Variants in FAM169A observed in about 807,000 individuals in gnomAD.
FAM169A encodes the protein family with sequence similarity 169 member A.
A neutral mutation model predicts 75.7 loss-of-function variants in FAM169A; 24 were observed. The observed-to-expected ratio is 0.32, with a 90% confidence interval of 0.23 to 0.45. The LOEUF is 0.45. Ranked by LOEUF, FAM169A falls within the 20% of genes least tolerant of loss-of-function variation. The probability of loss-of-function intolerance (pLI) is 1.00; values close to 1 mark genes in which losing one functional copy is unlikely to be tolerated. For synonymous variants in FAM169A, 271 were observed against 271.0 expected (o/e 1.00, Z 0.00); for missense variants, 673 against 784.0 (o/e 0.86, Z 1.69).
intron 5 of FAM169A, among the ~76,000 whole-genome samples, chr5:74,818,825 G>A (rs1035931445): frequency 7.6e-5 from 10 of 131,756 alleles, no homozygotes; most frequent in Non-Finnish European, 1.6e-4. Flanking sequence ...ATATATATAT[G>A]TCAAAGCACA....
rs1034885222 is a variant in FAM169A at position 74,806,571 on chromosome 5, A to G, written c.671-1287T>C. ...AAAACCTAGTATATCAGGACTGTGC[A>G]ACAGAACTTTCTGTGATGATAGACA... On this transcript the variant is annotated intron_variant, in intron 6 of 12. Transcript: ENST00000687041. Among the ~76,000 whole-genome samples the G allele has an allele frequency of 7.6e-4, 115 of 152,224 alleles. 1 individual carries two copies. Among genetic ancestry groups the G allele is most frequent in the Admixed American group, 7.5e-3 (114 of 15,282 alleles).
intron 5 of FAM169A, among the ~76,000 whole-genome samples, chr5:74,832,403 C>CA (rs1580139508): frequency 6.6e-6 from 1 of 151,930 alleles, no homozygotes; most frequent in East Asian, 1.9e-4. Context: ...ACCTCATAAA[C>CA]AAAGTCTCCT....
At position 74,813,605 on chromosome 5, in the gene FAM169A, T is replaced by A. The variant is rs566565524; in HGVS notation, c.670+235A>T. 1.9e-4 allele frequency among the ~76,000 whole-genome samples: 29 copies of A among 152,202 alleles called. 1 individual carries two copies. The South Asian group carries it at 5.2e-3, about 27-fold the overall frequency. On this transcript the variant is annotated intron_variant, in intron 6 of 12. Transcript: ENST00000687041. ...CCTCCCAAAGTGCTGGGATCACAAG[T>A]GTGAGCCACTGTGCCCGGCAATTGT...
intron 1 of FAM169A, among the ~76,000 whole-genome samples, chr5:74,858,920 A>C (rs17671140): frequency 0.085 from 12,975 of 152,172 alleles, 684 homozygotes; most frequent in Admixed American, 0.17. Context: ...TCCATTTTTA[A>C]AAACAAAACA....
chr5:74,861,757 G>A (rs1750047205), intron 1 of FAM169A, among the ~76,000 whole-genome samples: 1 of 152,100 alleles, frequency 6.6e-6, no homozygotes, highest in African/African-American at 2.4e-5. Context: ...CCAGTTGTAT[G>A]CTAAAACTTA....
intron 6 of FAM169A, among the ~76,000 whole-genome samples, chr5:74,805,519 C>T (rs1746821750): frequency 8.0e-6 from 1 of 124,628 alleles, no homozygotes. Flanking sequence ...TAAAAATGTG[C>T]TTCGCTTTTT....
intron 1 of FAM169A, among the ~76,000 whole-genome samples, chr5:74,857,929 C>CA (rs1749810254): frequency 6.6e-6 from 1 of 152,018 alleles, no homozygotes; most frequent in South Asian, 2.1e-4. Context: ...TACTCGGATA[C>CA]AAAAAAATTA....
intron 10 of FAM169A, chr5:74,799,575 G>A (rs1746453750): frequency 4.0e-6 from 6 of 1,490,404 alleles, no homozygotes; most frequent in Non-Finnish European, 5.6e-6. Context: ...TTGGGCAGCT[G>A]ATGTCAGAGT....
At chr5:74,799,676 T>C (rs1746460302) in intron 10 of FAM169A, 4 of 1,271,198 alleles carry the variant, frequency 3.1e-6, no homozygotes, top group Admixed American at 1.7e-5. Flanking sequence ...GACAGCACCA[T>C]GTCTGCTGCT....
chr5:74,789,025 C>CA, intron 11 of FAM169A, among the ~76,000 whole-genome samples: 1 of 152,328 alleles, frequency 6.6e-6, no homozygotes, highest in Non-Finnish European at 1.5e-5. Context: ...CATTCCTGTC[C>CA]ATAAGGCCCA....
At chr5:74,805,341 C>T in intron 6 of FAM169A, 57 bp from the exon 7 acceptor site, 1 of 1,571,728 alleles carries the variant, frequency 6.4e-7, no homozygotes, top group Non-Finnish European at 8.7e-7. Flanking sequence ...TTTTGAAAAA[C>T]AGGAGTTGAA....
chr5:74,796,165 T>G lies in FAM169A; in HGVS notation c.1125A>C (p.Pro375=). The change falls in exon 11 of 13, where the codon CCA becomes CCC. Residue 375 remains proline, a synonymous_variant. Coordinates refer to ENST00000687041, the MANE Select transcript of FAM169A (RefSeq NM_001376049.1). ...CCAGGAATTCTTCTGAGCTCTCTGATGGGCGTGCAGTAGACTCCAATCTAA... is the reference window on the plus strand; with the variant it reads ...CCAGGAATTCTTCTGAGCTCTCTGAGGGGCGTGCAGTAGACTCCAATCTAA... ...SINKLESTAR[P]SESSEEFLEE... is the part of the protein sequence containing the mutation. 6.2e-7 allele frequency: 1 copy of G among 1,613,862 alleles called. No individual in the cohort carries two copies. Among genetic ancestry groups the G allele is most frequent in the Non-Finnish European group, 8.5e-7 (1 of 1,179,944 alleles).
At chr5:74,864,988 T>C (rs191339686) in intron 1 of FAM169A, among the ~76,000 whole-genome samples, 113 of 152,324 alleles carry the variant, frequency 7.4e-4, no homozygotes, top group Admixed American at 1.5e-3. Context: ...CTGTACATCC[T>C]GTGTAAAAAA....
At chr5:74,842,112 C>CAA (rs1216791773) in intron 1 of FAM169A, among the ~76,000 whole-genome samples, 1 of 138,882 alleles carries the variant, frequency 7.2e-6, no homozygotes, top group African/African-American at 2.6e-5. Context: ...CTATAAATTT[C>CAA]AAAAAAAAAA....
At chr5:74,782,878 A>T in intron 12 of FAM169A, 53 bp downstream of exon 12, 1 of 1,384,622 alleles carries the variant, frequency 7.2e-7, no homozygotes, top group South Asian at 1.2e-5. Context: ...CCTCCTCGCT[A>T]ATGTCACCAA....
intron 5 of FAM169A, among the ~76,000 whole-genome samples, chr5:74,824,503 T>C (rs547834963): frequency 1.3e-5 from 2 of 152,262 alleles, no homozygotes; most frequent in South Asian, 4.2e-4. Flanking sequence ...ATAGTCCTTA[T>C]CATTCCAGGC....
rs1001505663 is a variant in FAM169A at position 74,779,481 on chromosome 5, A to G, written c.*1979T>C. 6 of 152,180 alleles carry G rather than the reference A, an allele frequency of 3.9e-5. No individual in the cohort carries two copies. Among genetic ancestry groups the G allele is most frequent in the African/African-American group, 1.4e-4 (6 of 41,448 alleles). 9.4% of individuals were successfully genotyped at this position (152,180 alleles called of 1,614,324 possible). A position where few individuals can be genotyped will look rare whatever the true frequency, so the allele number is the denominator to read the frequency against. On this transcript the variant is annotated 3_prime_UTR_variant, in exon 13 of 13. Coordinates refer to ENST00000687041, the MANE Select transcript of FAM169A (RefSeq NM_001376049.1). ...AATAAAATATCTACAAGTGTTTTCAAATCTAAGAAATGAAACATGTAAAGA... is the reference window on the plus strand; with the variant it reads ...AATAAAATATCTACAAGTGTTTTCAGATCTAAGAAATGAAACATGTAAAGA...
intron 6 of FAM169A, among the ~76,000 whole-genome samples, chr5:74,805,522 CG>C (rs1561298448): frequency 1.7e-5 from 2 of 119,482 alleles, no homozygotes; most frequent in African/African-American, 7.2e-5. Flanking sequence ...AAATGTGCTT[CG>C]CTTTTTTTTT....
chr5:74,838,967 G>T lies in FAM169A; in HGVS notation c.316C>A (p.Gln106Lys). The T allele has an allele frequency of 1.2e-6, 2 of 1,608,256 alleles. No homozygotes were observed. The highest frequency in any genetic ancestry group is 1.7e-6 in the Non-Finnish European group (2 of 1,174,688). The change falls in exon 4 of 13, where the codon CAG becomes AAG. Residue 106 changes from glutamine (Q) to lysine (K), a missense_variant and splice_region_variant. Gln to Lys is a moderately conservative substitution (Grantham distance 53, BLOSUM62 1). Transcript: ENST00000687041. ...TCAAAATTAGAGGATCTTGTTACCT[G>T]CTTAAGCCCCTCTCTTGAAGGAACA... ...TSVPSREGLKQVSTLGERVVL... is the reference protein window; with the variant it reads ...TSVPSREGLKKVSTLGERVVL...
Sources: gnomAD v4.1 joint callset for allele counts (sites outside exome capture counted in the v4.1 genomes callset) on GRCh38, gnomAD v4.1.1 for gene constraint, MANE v1.5 for transcripts, NCBI Gene and HGNC (gene_info 2026-07-23, HGNC 2026-07-21) for gene names.